Variants in CNTN6 observed in about 807,000 individuals in gnomAD.
The protein encoded by CNTN6 is contactin-6.
CNTN6 carries 137 observed loss-of-function variants against 122.8 expected under a neutral mutation model. The observed-to-expected ratio is 1.12, with a 90% confidence interval of 0.97 to 1.29. The LOEUF (loss-of-function observed/expected upper bound fraction) is 1.29, where lower values mean the gene tolerates loss of function less well. CNTN6 is among the 50% of genes most tolerant of loss of function. CNTN6 has a pLI of 0.00. For synonymous variants in CNTN6, 570 were observed against 426.0 expected (o/e 1.34, Z -4.16); for missense variants, 1,634 against 1,223.4 (o/e 1.34, Z -5.01).
intron 16 of CNTN6, among the ~76,000 whole-genome samples, chr3:1,376,208 A>G (rs772116205): frequency 1.3e-5 from 2 of 152,134 alleles, no homozygotes; most frequent in African/African-American, 2.4e-5. Flanking sequence ...GTAAAACCTC[A>G]TTCTCGTGAG....
chr3:1,158,191 T>G (rs1296839400), intron 2 of CNTN6, among the ~76,000 whole-genome samples: 1 of 152,202 alleles, frequency 6.6e-6, no homozygotes, highest in Non-Finnish European at 1.5e-5. Context: ...CTTACCAGCA[T>G]TTGTTATTGC....
chr3:1,229,975 C>G (rs941891574), intron 4 of CNTN6, among the ~76,000 whole-genome samples: 2 of 152,076 alleles, frequency 1.3e-5, no homozygotes, highest in African/African-American at 4.8e-5. Flanking sequence ...GTGGTGGTGT[C>G]ATGTCTGAAA....
chr3:1,294,907 T>A (rs1695951089), intron 5 of CNTN6, among the ~76,000 whole-genome samples: 1 of 152,168 alleles, frequency 6.6e-6, no homozygotes, highest in African/African-American at 2.4e-5. Context: ...GCACAGGTTT[T>A]GTTTGGTTTT....
intron 1 of CNTN6, among the ~76,000 whole-genome samples, chr3:1,107,042 T>C (rs1191509458): frequency 6.6e-6 from 1 of 152,124 alleles, no homozygotes; most frequent in East Asian, 1.9e-4. Context: ...CTCAATGGAT[T>C]ACATGATACC....
At chr3:1,390,533 T>G (rs1207251097) in intron 20 of CNTN6, among the ~76,000 whole-genome samples, 1 of 151,910 alleles carries the variant, frequency 6.6e-6, no homozygotes, top group African/African-American at 2.4e-5. Context: ...ATTCAAAAGC[T>G]GGCAGAAAGA....
intron 2 of CNTN6, among the ~76,000 whole-genome samples, chr3:1,167,602 G>C (rs934805433): frequency 7.0e-6 from 1 of 143,274 alleles, no homozygotes; most frequent in Non-Finnish European, 1.5e-5. Flanking sequence ...TAGATATATA[G>C]CTTAAACATA....
At chr3:1,265,828 C>T (rs1559651029) in intron 4 of CNTN6, among the ~76,000 whole-genome samples, 1 of 152,010 alleles carries the variant, frequency 6.6e-6, no homozygotes, top group African/African-American at 2.4e-5. Flanking sequence ...CACAAAAAAC[C>T]TTTGTGTTTT....
intron 7 of CNTN6, among the ~76,000 whole-genome samples, chr3:1,299,123 T>G (rs1251054410): frequency 6.6e-6 from 1 of 152,180 alleles, no homozygotes; most frequent in Non-Finnish European, 1.5e-5. Context: ...AGACCGTATT[T>G]TATTTTCATA....
intron 12 of CNTN6, among the ~76,000 whole-genome samples, chr3:1,366,941 C>T (rs1005751272): frequency 1.3e-5 from 2 of 152,166 alleles, no homozygotes; most frequent in African/African-American, 4.8e-5. Context: ...TTTCACACTG[C>T]AGATAATGGT....
intron 2 of CNTN6, among the ~76,000 whole-genome samples, chr3:1,175,692 C>G (rs2093436417): frequency 6.6e-6 from 1 of 152,150 alleles, no homozygotes; most frequent in Non-Finnish European, 1.5e-5. Context: ...GCAAAAGACC[C>G]CATTGGCTAC....
chr3:1,119,486 T>G (rs886654659), intron 1 of CNTN6, among the ~76,000 whole-genome samples: 3 of 151,954 alleles, frequency 2.0e-5, no homozygotes, highest in Non-Finnish European at 4.4e-5. Context: ...TGAGTTGTCT[T>G]ATTGCCAGGG....
chr3:1,388,049 T>C lies in CNTN6; in HGVS notation c.2704+2252T>C, dbSNP rs927974386. On this transcript the variant is annotated intron_variant, in intron 20 of 22. Coordinates refer to ENST00000446702, the MANE Select transcript of CNTN6 (RefSeq NM_001289080.2). ...AAGCAGCCAGGAAGCTCCAACTGGG[T>C]GGAGCCCACCACAGCTCAAGGAGGC... Among the ~76,000 whole-genome samples, 46 of 148,528 alleles carry C rather than the reference T, an allele frequency of 3.1e-4. 1 individual carries two copies. The highest frequency in any genetic ancestry group is 2.2e-4 in the Non-Finnish European group (15 of 67,660).
Position 1,280,632 on chromosome 3 carries a change from T to C in CNTN6, c.454+2124T>C, listed in dbSNP as rs1262409098. On this transcript the variant is annotated intron_variant, in intron 5 of 22. Coordinates refer to ENST00000446702, the MANE Select transcript of CNTN6 (RefSeq NM_001289080.2). ...TTTGCACACAACCACACCCAGCTAA[T>C]TTCTGTATTTTTAGTAGAGACGGGT... Among the ~76,000 whole-genome samples the C allele has an allele frequency of 2.0e-5, 3 of 151,616 alleles. No homozygotes were observed. In the East Asian group the frequency reaches 5.8e-4, roughly 29 times the overall value.
At chr3:1,119,833 A>G (rs563362062) in intron 1 of CNTN6, among the ~76,000 whole-genome samples, 49 of 152,200 alleles carry the variant, frequency 3.2e-4, no homozygotes, top group African/African-American at 1.1e-3. Flanking sequence ...CCCTATCAAA[A>G]TACAGAATAC....
chr3:1,329,744 A>G (rs1053790427), intron 10 of CNTN6, 41 bp from the exon 11 acceptor site: 13 of 1,573,398 alleles, frequency 8.3e-6, no homozygotes, highest in East Asian at 2.3e-5. Context: ...CTACATGTTA[A>G]CTGAGTAATT....
chr3:1,268,602 G>A (rs1451818106), intron 4 of CNTN6, among the ~76,000 whole-genome samples: 134 of 102,864 alleles, frequency 1.3e-3, no homozygotes, highest in African/African-American at 6.5e-3. Context: ...GCGAGACTCC[G>A]TCTCAAAAAA....
chr3:1,382,682 TGATCA>T (rs1559979791), intron 17 of CNTN6, among the ~76,000 whole-genome samples: 3 of 152,294 alleles, frequency 2.0e-5, no homozygotes, highest in East Asian at 3.9e-4. Flanking sequence ...AATTTATGAA[TGATCA>T]AAGAAAAATA....
rs138948200 is a variant in CNTN6 at position 1,379,886 on chromosome 3, C to G, written c.2166+2811C>G. ...AGAAGATTCATACATTAGGATGAAT[C>G]TGAGCCACCAGAATGCAGGTAGTAA... On this transcript the variant is annotated intron_variant, in intron 17 of 22. Transcript: ENST00000446702. Among the ~76,000 whole-genome samples the G allele has an allele frequency of 4.7e-3, 709 of 152,252 alleles. 5 individuals carry two copies. Among genetic ancestry groups the G allele is most frequent in the African/African-American group, 0.016 (669 of 41,544 alleles).
At chr3:1,200,636 C>T (rs763281357) in intron 2 of CNTN6, among the ~76,000 whole-genome samples, 3 of 152,128 alleles carry the variant, frequency 2.0e-5, no homozygotes, top group Non-Finnish European at 2.9e-5. Context: ...GCAAGCATGA[C>T]ATGCATATGT....
Sources: gnomAD v4.1 joint callset for allele counts (sites outside exome capture counted in the v4.1 genomes callset) on GRCh38, gnomAD v4.1.1 for gene constraint, MANE v1.5 for transcripts, NCBI Gene and HGNC (gene_info 2026-07-23, HGNC 2026-07-21) for gene names.